The following FRRS1L variants were observed in gnomAD, a reference collection of about 807,000 sequenced individuals.
FRRS1L encodes the protein ferric chelate reductase 1 like, also known as DOMON domain-containing protein FRRS1L.
FRRS1L carries 22 observed loss-of-function variants against 28.6 expected under a neutral mutation model. The observed-to-expected ratio is 0.77, with a 90% CI of 0.55 to 1.10. FRRS1L has a LOEUF of 1.10. Ranked by LOEUF, FRRS1L falls within the 50% of genes least tolerant of loss-of-function variation. The probability of loss-of-function intolerance (pLI) is 0.00; values close to 1 mark genes in which losing one functional copy is unlikely to be tolerated. For missense variants in FRRS1L, 380 were observed against 386.9 expected, an observed-to-expected ratio of 0.98 and a Z score of 0.15; for synonymous variants, 158 against 151.4, an observed-to-expected ratio of 1.04 and a Z score of -0.32.
At chr9:109,153,837 A>C (rs1366486163) in intron 1 of FRRS1L, among the ~76,000 whole-genome samples, 1 of 152,218 alleles carries the variant, frequency 6.6e-6, no homozygotes, top group African/African-American at 2.4e-5. Context: ...AATGATCTCT[A>C]TTTGATATAA....
chr9:109,166,479 T>C (rs1167351704), intron 1 of FRRS1L, among the ~76,000 whole-genome samples: 2 of 152,080 alleles, frequency 1.3e-5, no homozygotes, highest in Non-Finnish European at 2.9e-5. Context: ...ACCTCTCTCT[T>C]TAGGTTGGGG....
At chr9:109,149,532 A>G in intron 2 of FRRS1L, 104 bp downstream of exon 2, 1 of 731,738 alleles carries the variant, frequency 1.4e-6, no homozygotes, top group Non-Finnish European at 2.3e-6. Flanking sequence ...GTGATCAAGG[A>G]GCTCAGGCCC....
intron 1 of FRRS1L, among the ~76,000 whole-genome samples, chr9:109,153,993 G>T (rs1380830893): frequency 6.6e-6 from 1 of 152,186 alleles, no homozygotes; most frequent in Admixed American, 6.5e-5. Context: ...AAGGCAGGAG[G>T]AGGGAAAGAG....
rs2118444250 is a variant in FRRS1L, at chr9:109,130,763, G to A, written c.*6692C>T. The stretch of plus-strand genomic sequence containing the variant: ...TGTCTGTGGAAATAAGGCATCCGGA[G>A]AAGCTGCATTCACTCTTCCCCATGG... On this transcript the variant is annotated 3_prime_UTR_variant, in exon 5 of 5. Transcript: ENST00000561981. The A allele has an allele frequency of 1.3e-5, 2 of 152,362 alleles. No individual in the cohort carries two copies. Among genetic ancestry groups the A allele is most frequent in the Middle Eastern group, 6.8e-3 (2 of 294 alleles). 9.4% of individuals were successfully genotyped at this position (152,362 alleles called of 1,614,324 possible).
At chr9:109,155,649 AGCT>A in intron 1 of FRRS1L, among the ~76,000 whole-genome samples, 1 of 151,588 alleles carries the variant, frequency 6.6e-6, no homozygotes, top group Non-Finnish European at 1.5e-5. Context: ...GGTTGCAGTG[AGCT>A]AAAATTGCAC....
chr9:109,142,822 A>T (rs1165983754), intron 3 of FRRS1L, among the ~76,000 whole-genome samples: 2 of 137,414 alleles, frequency 1.5e-5, no homozygotes, highest in Admixed American at 7.6e-5. Flanking sequence ...ATAAAAATAA[A>T]AAAAAAAATA....
rs56026240 is a variant in FRRS1L, at chr9:109,132,100, A to G, written c.*5355T>C. Reference sequence around the variant, plus strand: ...GCCATTCTCTTGCCTCAGCCTCCTGAGTAGCTGGGACTACAGGCTCCCGCC... The same window carrying G: ...GCCATTCTCTTGCCTCAGCCTCCTGGGTAGCTGGGACTACAGGCTCCCGCC... On this transcript the variant is annotated 3_prime_UTR_variant, in exon 5 of 5. Coordinates refer to ENST00000561981, the MANE Select transcript of FRRS1L (RefSeq NM_014334.4). The G allele has an allele frequency of 0.15, 22,875 of 152,002 alleles. 1,985 individuals are homozygous for G. Among genetic ancestry groups the G allele is most frequent in the African/African-American group, 0.18 (7,443 of 41,418 alleles). 9.4% of individuals were successfully genotyped at this position (152,002 alleles called of 1,614,324 possible).
At chr9:109,159,482 T>C (rs1165380614) in intron 1 of FRRS1L, among the ~76,000 whole-genome samples, 4 of 152,136 alleles carry the variant, frequency 2.6e-5, no homozygotes, top group South Asian at 2.1e-4. Context: ...CTGACCAACA[T>C]GGTGAAACCC....
intron 1 of FRRS1L, among the ~76,000 whole-genome samples, chr9:109,159,694 G>A (rs1171344950): frequency 6.6e-6 from 1 of 152,160 alleles, no homozygotes; most frequent in East Asian, 1.9e-4. Context: ...TTAAGCAGGT[G>A]GCCTTTGAGC....
At chr9:109,160,373 A>C (rs1319922344) in intron 1 of FRRS1L, among the ~76,000 whole-genome samples, 1 of 151,858 alleles carries the variant, frequency 6.6e-6, no homozygotes, top group South Asian at 2.1e-4. Context: ...CCTTTCCCCA[A>C]CCTGGCACAT....
intron 2 of FRRS1L, chr9:109,147,538 A>T (rs956446893): frequency 1.0e-4 from 18 of 175,314 alleles, no homozygotes; most frequent in Non-Finnish European, 9.5e-5. Flanking sequence ...TTACTACTGA[A>T]TTATTTCTGA....
At position 109,137,454 on chromosome 9, in the gene FRRS1L, G is replaced by A; in HGVS notation, c.*1C>T. 1 of 1,587,234 alleles carries A rather than the reference G, an allele frequency of 6.3e-7. No individual in the cohort carries two copies. Among genetic ancestry groups the A allele is most frequent in the Non-Finnish European group, 8.6e-7 (1 of 1,163,318 alleles). ...GTAATCTGTTGGCCCTGCAGCTGTGGTTAGGGGGTTCCCATCAATAGGTAG... is the reference window on the plus strand; with the variant it reads ...GTAATCTGTTGGCCCTGCAGCTGTGATTAGGGGGTTCCCATCAATAGGTAG... On this transcript the variant is annotated 3_prime_UTR_variant, in exon 5 of 5. Coordinates refer to ENST00000561981, the MANE Select transcript of FRRS1L (RefSeq NM_014334.4).
chr9:109,160,206 C>T (rs1284661295), intron 1 of FRRS1L, among the ~76,000 whole-genome samples: 1 of 152,142 alleles, frequency 6.6e-6, no homozygotes, highest in African/African-American at 2.4e-5. Context: ...AGCCAACTGC[C>T]TCCAGGGGTT....
At chr9:109,146,703 G>T (rs1461028544) in intron 3 of FRRS1L, among the ~76,000 whole-genome samples, 1 of 152,114 alleles carries the variant, frequency 6.6e-6, no homozygotes, top group Non-Finnish European at 1.5e-5. Flanking sequence ...CAGGCGTCAA[G>T]TCCAGATGAA....
chr9:109,165,285 G>T (rs1831533826), intron 1 of FRRS1L, among the ~76,000 whole-genome samples: 2 of 152,240 alleles, frequency 1.3e-5, no homozygotes, highest in African/African-American at 4.8e-5. Context: ...AATGTGAACA[G>T]CAGTAATGTG....
intron 1 of FRRS1L, among the ~76,000 whole-genome samples, chr9:109,157,837 C>A (rs966455281): frequency 6.6e-6 from 1 of 152,120 alleles, no homozygotes; most frequent in African/African-American, 2.4e-5. Flanking sequence ...TATGTTTTAT[C>A]TTCTATATTT....
At chr9:109,158,058 T>C (rs888421910) in intron 1 of FRRS1L, among the ~76,000 whole-genome samples, 2 of 152,228 alleles carry the variant, frequency 1.3e-5, no homozygotes, top group African/African-American at 4.8e-5. Context: ...ATTCCTTCTT[T>C]GAGGGTCCTT....
At position 109,134,430 on chromosome 9, in the gene FRRS1L, C is replaced by G. The variant is rs1831090526; in HGVS notation, c.*3025G>C. The G allele has an allele frequency of 1.3e-5, 2 of 152,104 alleles. No individual in the cohort carries two copies. The highest frequency in any genetic ancestry group is 1.3e-4 in the Admixed American group (2 of 15,264). 9.4% of individuals were successfully genotyped at this position (152,104 alleles called of 1,614,324 possible). ...GAGGAAAAAATATTTAAGTTGTGAC[C>G]TGATAGGTGAATAGGAGTTCATCAA... On this transcript the variant is annotated 3_prime_UTR_variant, in exon 5 of 5. Coordinates refer to ENST00000561981, the MANE Select transcript of FRRS1L (RefSeq NM_014334.4).
chr9:109,142,408 A>G (rs1831199403), intron 3 of FRRS1L, among the ~76,000 whole-genome samples: 1 of 152,196 alleles, frequency 6.6e-6, no homozygotes, highest in Non-Finnish European at 1.5e-5. Flanking sequence ...GTTGCAGAAC[A>G]CTGAATGTGG....
Sources: allele counts gnomAD v4.1 joint callset (sites outside exome capture counted in the v4.1 genomes callset), GRCh38; gene constraint gnomAD v4.1.1; transcripts MANE v1.5; gene names NCBI Gene and HGNC (gene_info 2026-07-23, HGNC 2026-07-21).